The following FHIT variants were observed in gnomAD, a reference collection of about 807,000 sequenced individuals.
FHIT encodes bis(5'-adenosyl)-triphosphatase.
Under a neutral mutation model 17.9 loss-of-function variants are expected in FHIT, and 19 were observed. The observed-to-expected ratio is 1.06, with a 90% confidence interval of 0.74 to 1.56. The LOEUF is 1.56. FHIT is among the 40% of genes most tolerant of loss of function. The pLI, the probability that FHIT is intolerant of heterozygous loss-of-function variation, is 0.00. For missense variants in FHIT, 248 were observed against 189.2 expected (o/e 1.31, Z -1.82); for synonymous variants, 81 against 69.7 (o/e 1.16, Z -0.81).
intron 5 of FHIT, among the ~76,000 whole-genome samples, chr3:60,391,066 T>C (rs1172396709): frequency 2.0e-5 from 3 of 150,966 alleles, no homozygotes; most frequent in Non-Finnish European, 4.4e-5. Flanking sequence ...GACATGCCTG[T>C]GGTCCCAGCT....
chr3:59,929,167 C>A (rs1287598008), intron 7 of FHIT, among the ~76,000 whole-genome samples: 1 of 151,894 alleles, frequency 6.6e-6, no homozygotes, highest in Non-Finnish European at 1.5e-5. Context: ...ATGACCCATG[C>A]ACTGTTTCCA....
intron 2 of FHIT, among the ~76,000 whole-genome samples, chr3:61,068,375 T>C (rs567074808): frequency 1.1e-3 from 174 of 152,296 alleles, no homozygotes; most frequent in Non-Finnish European, 2.1e-3. Context: ...TCCACATTTG[T>C]TAGGAGGTTG....
At chr3:61,066,286 G>A (rs1399481087) in intron 2 of FHIT, among the ~76,000 whole-genome samples, 1 of 152,042 alleles carries the variant, frequency 6.6e-6, no homozygotes, top group East Asian at 1.9e-4. Context: ...AAACTCTGGG[G>A]GACACATTCA....
At chr3:60,898,808 G>C (rs1406791283) in intron 3 of FHIT, among the ~76,000 whole-genome samples, 2 of 152,098 alleles carry the variant, frequency 1.3e-5, no homozygotes, top group East Asian at 1.9e-4. Flanking sequence ...AAATGCATAG[G>C]ATAGATCCCA....
intron 1 of FHIT, among the ~76,000 whole-genome samples, chr3:61,208,158 G>C (rs1370012630): frequency 6.6e-6 from 1 of 152,124 alleles, no homozygotes; most frequent in African/African-American, 2.4e-5. Flanking sequence ...GTTCTAGTTT[G>C]ATTGCACTGT....
chr3:61,226,526 C>T (rs2039974067), intron 1 of FHIT, among the ~76,000 whole-genome samples: 1 of 151,986 alleles, frequency 6.6e-6, no homozygotes, highest in South Asian at 2.1e-4. Flanking sequence ...ACTTGTTCCG[C>T]CTGTCAGCCT....
intron 5 of FHIT, among the ~76,000 whole-genome samples, chr3:60,169,189 TTTCCTGCCCCCG>T (rs998288185): frequency 2.0e-5 from 3 of 152,172 alleles, no homozygotes; most frequent in African/African-American, 4.8e-5. Flanking sequence ...TCCACGTTTG[TTTCCTGCCCCCG>T]TTCCTGCCAC....
rs71089587 is a variant in FHIT, at chr3:60,153,364, GAAAAAAAAA to G, written c.104-139221_104-139213del. On this transcript the variant is annotated intron_variant, in intron 5 of 9. Transcript: ENST00000492590. ...GGTAACTTTCACTCACAATTCACCA[GAAAAAAAAA>G]AAAAAAAAAAAAAGAGGAGGTGGGG... is the stretch of plus-strand genomic sequence containing the variant. Among the ~76,000 whole-genome samples, 93 of 106,506 alleles carry G rather than the reference GAAAAAAAAA, an allele frequency of 8.7e-4. 2 individuals are homozygous for G. Among genetic ancestry groups the G allele is most frequent in the Middle Eastern group, 5.6e-3 (1 of 180 alleles). 69.9% of individuals were successfully genotyped at this position (106,506 alleles called of 152,430 possible). A position where few individuals can be genotyped will look rare whatever the true frequency, so the allele number is the denominator to read the frequency against.
chr3:60,418,683 G>A (rs1702358341), intron 5 of FHIT, among the ~76,000 whole-genome samples: 1 of 147,746 alleles, frequency 6.8e-6, no homozygotes, highest in East Asian at 2.0e-4. Flanking sequence ...ACAATTGTGT[G>A]TGATGGAATA....
At chr3:60,275,418 C>T (rs959014996) in intron 5 of FHIT, among the ~76,000 whole-genome samples, 3 of 152,140 alleles carry the variant, frequency 2.0e-5, no homozygotes. Context: ...AAGCCCAGAA[C>T]TCCATAAATG....
intron 7 of FHIT, among the ~76,000 whole-genome samples, chr3:59,995,975 T>A (rs1007080915): frequency 6.6e-6 from 1 of 151,994 alleles, no homozygotes; most frequent in Non-Finnish European, 1.5e-5. Context: ...CTACTATAGA[T>A]GAAGAAGAAG....
At chr3:61,017,223 G>C (rs1035207876) in intron 3 of FHIT, among the ~76,000 whole-genome samples, 1 of 152,190 alleles carries the variant, frequency 6.6e-6, no homozygotes, top group Non-Finnish European at 1.5e-5. Context: ...CTAAGAAGTG[G>C]AGGTGCAGCA....
Position 59,821,755 on chromosome 3 carries a change from TAAAA to T in FHIT, c.349-69438_349-69435del, listed in dbSNP as rs915084587. Among the ~76,000 whole-genome samples, 1,303 of 151,970 alleles carry T rather than the reference TAAAA, an allele frequency of 8.6e-3. 14 individuals are homozygous for T. The highest frequency in any genetic ancestry group is 0.021 in the African/African-American group (888 of 41,488). The stretch of plus-strand genomic sequence containing the variant: ...GCTCCTGGTTCTTAGAGTTTTTTTT[TAAAA>T]AAAATATATAAATGATCTGCATTTA... On this transcript the variant is annotated intron_variant, in intron 8 of 9. Transcript: ENST00000492590.
chr3:60,341,788 G>C (rs1444331466), intron 5 of FHIT, among the ~76,000 whole-genome samples: 1 of 151,984 alleles, frequency 6.6e-6, no homozygotes, highest in Non-Finnish European at 1.5e-5. Flanking sequence ...ATTTTAGTGC[G>C]AGGTAACCAA....
Position 60,220,214 on chromosome 3 carries a change from T to C in FHIT, c.104-206062A>G, listed in dbSNP as rs1703900218. Reference sequence around the variant, plus strand: ...ATAATTTAGAAATGTAACTTAAAAATGTTTGGTTTTGGGAACATTTTATGT... The same window carrying C: ...ATAATTTAGAAATGTAACTTAAAAACGTTTGGTTTTGGGAACATTTTATGT... On this transcript the variant is annotated intron_variant, in intron 5 of 9. Transcript: ENST00000492590. Among the ~76,000 whole-genome samples, 3 of 152,236 alleles carry C rather than the reference T, an allele frequency of 2.0e-5. No individual in the cohort carries two copies. The South Asian group carries it at 6.2e-4, about 32-fold the overall frequency.
At chr3:60,491,356 C>A (rs1206324219) in intron 5 of FHIT, among the ~76,000 whole-genome samples, 1 of 151,756 alleles carries the variant, frequency 6.6e-6, no homozygotes, top group Non-Finnish European at 1.5e-5. Flanking sequence ...AATGCTGACA[C>A]AACCAACCTT....
chr3:61,061,244 T>G (rs972515071), intron 2 of FHIT, among the ~76,000 whole-genome samples: 13 of 152,186 alleles, frequency 8.5e-5, no homozygotes, highest in African/African-American at 3.1e-4. Flanking sequence ...TCTCCCAATC[T>G]GCTAGTTTCA....
At chr3:61,204,669 A>G (rs949238873) in intron 1 of FHIT, among the ~76,000 whole-genome samples, 5 of 152,210 alleles carry the variant, frequency 3.3e-5, no homozygotes, top group African/African-American at 1.2e-4. Flanking sequence ...TGTTGTTTAT[A>G]AGAAACAAAT....
At chr3:61,185,705 T>C (rs954346181) in intron 2 of FHIT, among the ~76,000 whole-genome samples, 10 of 152,148 alleles carry the variant, frequency 6.6e-5, no homozygotes, top group Non-Finnish European at 1.0e-4. Context: ...AAGCAGTATG[T>C]GCCATTTTCT....
Sources: gnomAD v4.1 joint callset for allele counts (sites outside exome capture counted in the v4.1 genomes callset) on GRCh38, gnomAD v4.1.1 for gene constraint, MANE v1.5 for transcripts, NCBI Gene and HGNC (gene_info 2026-07-23, HGNC 2026-07-21) for gene names.